GRIP1: variants seen among roughly 807,000 people sequenced by gnomAD.
GRIP1 encodes glutamate receptor interacting protein 1.
A neutral mutation model predicts 129.9 loss-of-function variants in GRIP1; 45 were observed. The observed-to-expected ratio is 0.35, with a 90% CI of 0.27 to 0.44. GRIP1 has a LOEUF of 0.44. Ranked by LOEUF, GRIP1 falls within the 20% of genes least tolerant of loss-of-function variation. The pLI, the probability that GRIP1 is intolerant of heterozygous loss-of-function variation, is 1.00. For missense variants in GRIP1, 1,196 were observed against 1,396.8 expected (o/e 0.86, Z 2.29); for synonymous variants, 530 against 520.8 (o/e 1.02, Z -0.24).
chr12:66,940,908 T>C (rs2041573714), intron 1 of GRIP1, among the ~76,000 whole-genome samples: 1 of 152,120 alleles, frequency 6.6e-6, no homozygotes, highest in Non-Finnish European at 1.5e-5. Flanking sequence ...GGAAAAAAAG[T>C]GAGCTATAAA....
intron 9 of GRIP1, among the ~76,000 whole-genome samples, chr12:66,456,909 T>C (rs938386378): frequency 1.3e-5 from 2 of 152,214 alleles, no homozygotes; most frequent in Non-Finnish European, 2.9e-5. Context: ...TCTAATCATC[T>C]ATCAGTATCA....
intron 1 of GRIP1, among the ~76,000 whole-genome samples, chr12:66,714,614 A>C (rs961488319): frequency 6.6e-6 from 1 of 152,080 alleles, no homozygotes; most frequent in Non-Finnish European, 1.5e-5. Flanking sequence ...TAACTATTAA[A>C]TAATCATGGC....
At chr12:66,850,852 CCT>C (rs1185156425) in intron 1 of GRIP1, among the ~76,000 whole-genome samples, 1 of 151,320 alleles carries the variant, frequency 6.6e-6, no homozygotes, top group Non-Finnish European at 1.5e-5. Flanking sequence ...ATGAATGTGA[CCT>C]CTCTCCTGGT....
intron 1 of GRIP1, among the ~76,000 whole-genome samples, chr12:66,598,396 T>C (rs1163702217): frequency 6.6e-6 from 1 of 152,216 alleles, no homozygotes; most frequent in Non-Finnish European, 1.5e-5. Flanking sequence ...CTTCCAACCA[T>C]AAAGATAAAC....
At chr12:66,478,187 G>A (rs540864047) in intron 7 of GRIP1, among the ~76,000 whole-genome samples, 2 of 151,864 alleles carry the variant, frequency 1.3e-5, no homozygotes, top group East Asian at 3.9e-4. Context: ...ACAAGAAAAA[G>A]ACAAACAACC....
At chr12:66,895,371 T>C (rs1311691503) in intron 1 of GRIP1, among the ~76,000 whole-genome samples, 5 of 152,198 alleles carry the variant, frequency 3.3e-5, no homozygotes, top group Non-Finnish European at 7.3e-5. Flanking sequence ...ATGTAAGATA[T>C]GCCTTTGCTC....
intron 7 of GRIP1, among the ~76,000 whole-genome samples, chr12:66,467,198 C>T (rs1165515230): frequency 6.6e-6 from 1 of 152,098 alleles, no homozygotes; most frequent in African/African-American, 2.4e-5. Flanking sequence ...CTGCAAGGAG[C>T]CAAAGGTCTT....
chr12:66,996,675 T>G (rs973200456), intron 1 of GRIP1, among the ~76,000 whole-genome samples: 28 of 152,144 alleles, frequency 1.8e-4, no homozygotes, highest in African/African-American at 6.5e-4. Flanking sequence ...AAGATAGAGA[T>G]TGACCCATCC....
At chr12:66,798,482 G>T (rs1221365762) in intron 1 of GRIP1, among the ~76,000 whole-genome samples, 5 of 152,118 alleles carry the variant, frequency 3.3e-5, no homozygotes, top group African/African-American at 9.7e-5. Context: ...GGAGGCATAG[G>T]TTTATTCAGT....
At chr12:66,960,298 G>C (rs937375671) in intron 1 of GRIP1, among the ~76,000 whole-genome samples, 2 of 152,170 alleles carry the variant, frequency 1.3e-5, no homozygotes, top group African/African-American at 4.8e-5. Flanking sequence ...CTGAAGAGGT[G>C]AGAGCTGTAC....
At chr12:66,517,564 C>A (rs547860159) in intron 6 of GRIP1, among the ~76,000 whole-genome samples, 1 of 152,210 alleles carries the variant, frequency 6.6e-6, no homozygotes, top group East Asian at 1.9e-4. Context: ...TCTGTAAGTA[C>A]CTCCCCTGTG....
At chr12:66,925,351 T>C (rs549444840) in intron 1 of GRIP1, among the ~76,000 whole-genome samples, 4 of 152,276 alleles carry the variant, frequency 2.6e-5, no homozygotes, top group African/African-American at 4.8e-5. Context: ...AGCTGGGCAA[T>C]TGATAAGTAT....
chr12:66,948,725 G>A (rs1268493193), intron 1 of GRIP1, among the ~76,000 whole-genome samples: 1 of 152,084 alleles, frequency 6.6e-6, no homozygotes, highest in Non-Finnish European at 1.5e-5. Flanking sequence ...GGGTTCCAAA[G>A]GATACATAGG....
At chr12:66,521,632 T>C (rs1021213098) in intron 5 of GRIP1, among the ~76,000 whole-genome samples, 3 of 152,054 alleles carry the variant, frequency 2.0e-5, no homozygotes, top group African/African-American at 7.2e-5. Context: ...TTCATCTCAC[T>C]AGGGAGTGCC....
intron 19 of GRIP1, among the ~76,000 whole-genome samples, chr12:66,391,477 T>C (rs1243929187): frequency 6.6e-6 from 1 of 152,258 alleles, no homozygotes; most frequent in Non-Finnish European, 1.5e-5. Context: ...ATGTAGATAG[T>C]ATTTCTTCAC....
intron 9 of GRIP1, among the ~76,000 whole-genome samples, chr12:66,458,013 C>A (rs2059018883): frequency 6.6e-6 from 1 of 152,208 alleles, no homozygotes; most frequent in Admixed American, 6.5e-5. Flanking sequence ...TCTACTTTTC[C>A]ATTTACGTGC....
chr12:66,786,161 G>C (rs1350437505), intron 1 of GRIP1, among the ~76,000 whole-genome samples: 3 of 152,178 alleles, frequency 2.0e-5, no homozygotes, highest in Non-Finnish European at 4.4e-5. Flanking sequence ...TTTTTGAATG[G>C]AATAAGGGTT....
intron 1 of GRIP1, among the ~76,000 whole-genome samples, chr12:66,982,363 T>C (rs1425034979): frequency 1.3e-5 from 2 of 152,176 alleles, no homozygotes; most frequent in Non-Finnish European, 2.9e-5. Context: ...CCTCCTGATA[T>C]TCATGTCCTT....
At chr12:67,021,528 A>G (rs1163347262) in intron 1 of GRIP1, among the ~76,000 whole-genome samples, 2 of 152,168 alleles carry the variant, frequency 1.3e-5, no homozygotes, top group African/African-American at 2.4e-5. Context: ...TTGACACATA[A>G]TTGTACATAT....
Sources: gnomAD v4.1 joint callset for allele counts (sites outside exome capture counted in the v4.1 genomes callset) on GRCh38, gnomAD v4.1.1 for gene constraint, MANE v1.5 for transcripts, NCBI Gene and HGNC (gene_info 2026-07-23, HGNC 2026-07-21) for gene names.